Variants in ST7 observed in about 807,000 individuals in gnomAD.
ST7 encodes the protein suppressor of tumorigenicity 7 protein.
ST7 carries 28 observed loss-of-function variants against 78.7 expected under a neutral mutation model. The observed-to-expected ratio is 0.36, with a 90% CI of 0.26 to 0.49. ST7 has a LOEUF of 0.49. ST7 is among the 20% of genes least tolerant of loss of function. The probability of loss-of-function intolerance (pLI) is 0.99; values close to 1 mark genes in which losing one functional copy is unlikely to be tolerated. For missense variants in ST7, 418 were observed against 696.0 expected (o/e 0.60, Z 4.49); for synonymous variants, 247 against 249.6 (o/e 0.99, Z 0.10).
At chr7:117,200,277 C>G (rs1178437496) in intron 12 of ST7, among the ~76,000 whole-genome samples, 2 of 152,110 alleles carry the variant, frequency 1.3e-5, no homozygotes, top group African/African-American at 2.4e-5. Context: ...ACCCCAAGGC[C>G]CCCTCTGCAT....
intron 12 of ST7, among the ~76,000 whole-genome samples, chr7:117,196,233 T>C (rs1049920649): frequency 6.6e-6 from 1 of 152,224 alleles, no homozygotes; most frequent in East Asian, 1.9e-4. Flanking sequence ...AAAATAGCAG[T>C]GCAAATATTC....
At chr7:117,119,428 T>G (rs1178297436) in intron 2 of ST7, 133 bp from the exon 3 acceptor site, 7 of 900,250 alleles carry the variant, frequency 7.8e-6, no homozygotes, top group Non-Finnish European at 9.4e-6. Context: ...AAAATCTAAT[T>G]TTTAGAATAA....
intron 1 of ST7, among the ~76,000 whole-genome samples, chr7:116,961,347 G>A (rs1185705368): frequency 6.6e-6 from 1 of 152,164 alleles, no homozygotes; most frequent in African/African-American, 2.4e-5. Flanking sequence ...TTCTAATTCT[G>A]TGATGAATGT....
chr7:117,036,092 C>A (rs1584496931), intron 1 of ST7, among the ~76,000 whole-genome samples: 1 of 152,282 alleles, frequency 6.6e-6, no homozygotes, highest in East Asian at 1.9e-4. Context: ...CTGAGGCTGA[C>A]AAGTGAAATA....
chr7:117,007,788 CT>C (rs1161615364), intron 1 of ST7, among the ~76,000 whole-genome samples: 1 of 152,184 alleles, frequency 6.6e-6, no homozygotes, highest in Admixed American at 6.5e-5. Context: ...AACTGAAGTT[CT>C]GTACCCATTA....
chr7:117,107,115 A>G (rs187131277), intron 2 of ST7, among the ~76,000 whole-genome samples: 125 of 150,708 alleles, frequency 8.3e-4, no homozygotes, highest in Non-Finnish European at 1.4e-3. Context: ...GTGTATGTGT[A>G]TATATATATA....
At chr7:117,208,862 G>A (rs904839576) in intron 12 of ST7, among the ~76,000 whole-genome samples, 1 of 151,194 alleles carries the variant, frequency 6.6e-6, no homozygotes, top group Non-Finnish European at 1.5e-5. Context: ...CTGTTGTTAT[G>A]TTTGTCTTTG....
At chr7:117,136,426 C>A (rs1156662673) in intron 8 of ST7, 191 bp downstream of exon 8, 1 of 655,032 alleles carries the variant, frequency 1.5e-6, no homozygotes, top group Non-Finnish European at 2.6e-6. Context: ...AGCTTCATTG[C>A]TGTTTATATT....
intron 10 of ST7, among the ~76,000 whole-genome samples, chr7:117,181,699 T>C (rs1202711400): frequency 6.6e-6 from 1 of 152,186 alleles, no homozygotes; most frequent in Non-Finnish European, 1.5e-5. Flanking sequence ...AATAATTATG[T>C]GGTTTTTGAC....
At chr7:117,029,325 T>C (rs1281977576) in intron 1 of ST7, among the ~76,000 whole-genome samples, 1 of 152,172 alleles carries the variant, frequency 6.6e-6, no homozygotes, top group Non-Finnish European at 1.5e-5. Context: ...GATTTTAATT[T>C]GCATGTCTTT....
chr7:116,973,845 T>C (rs1230090663), intron 1 of ST7, among the ~76,000 whole-genome samples: 2 of 152,238 alleles, frequency 1.3e-5, no homozygotes, highest in South Asian at 4.1e-4. Context: ...TTTCATTGCA[T>C]GAGTATACCA....
intron 12 of ST7, among the ~76,000 whole-genome samples, chr7:117,208,906 T>G (rs1251481582): frequency 2.1e-4 from 4 of 19,072 alleles, no homozygotes; most frequent in Non-Finnish European, 2.5e-4. Flanking sequence ...TGTGTGGGTG[T>G]GTGTGTGTGT....
At chr7:116,981,609 G>A (rs1279597964) in intron 1 of ST7, among the ~76,000 whole-genome samples, 1 of 152,158 alleles carries the variant, frequency 6.6e-6, no homozygotes, top group Non-Finnish European at 1.5e-5. Context: ...TAGATAACAA[G>A]CATTTTTGTG....
intron 1 of ST7, among the ~76,000 whole-genome samples, chr7:117,035,705 T>A (rs1563030549): frequency 6.6e-6 from 1 of 152,220 alleles, no homozygotes; most frequent in Admixed American, 6.5e-5. Context: ...TTTGGAATTT[T>A]CTCTACCTCA....
intron 9 of ST7, among the ~76,000 whole-genome samples, chr7:117,158,519 C>G (rs903419387): frequency 2.6e-5 from 4 of 152,224 alleles, no homozygotes; most frequent in Admixed American, 2.6e-4. Context: ...GATGCATTTA[C>G]TTAATGCGCT....
intron 1 of ST7, among the ~76,000 whole-genome samples, chr7:117,042,904 G>A (rs538027702): frequency 7.2e-5 from 11 of 151,986 alleles, no homozygotes; most frequent in Non-Finnish European, 1.0e-4. Flanking sequence ...TATGTTAACT[G>A]TATAATATAT....
chr7:117,011,063 A>G (rs1184940993), intron 1 of ST7, among the ~76,000 whole-genome samples: 6 of 152,170 alleles, frequency 3.9e-5, no homozygotes, highest in Non-Finnish European at 7.4e-5. Flanking sequence ...ACATTGTCCT[A>G]AGAGGTGTGA....
intron 1 of ST7, among the ~76,000 whole-genome samples, chr7:117,028,814 A>G (rs1306173398): frequency 1.3e-5 from 2 of 152,138 alleles, no homozygotes; most frequent in African/African-American, 2.4e-5. Flanking sequence ...TCTCCAGGAT[A>G]GCTCTGGCAT....
chr7:117,139,382 G>A (rs372453500), intron 9 of ST7, among the ~76,000 whole-genome samples: 2 of 152,052 alleles, frequency 1.3e-5, no homozygotes, highest in South Asian at 4.1e-4. Flanking sequence ...AGAACCAAGC[G>A]GCAAGATAAA....
Sources: gnomAD v4.1 joint callset for allele counts (sites outside exome capture counted in the v4.1 genomes callset) on GRCh38, gnomAD v4.1.1 for gene constraint, MANE v1.5 for transcripts, NCBI Gene and HGNC (gene_info 2026-07-23, HGNC 2026-07-21) for gene names.